Variants in SNURF observed in about 807,000 individuals in gnomAD.
SNURF encodes SNURF protein.
Under a neutral mutation model 11.6 loss-of-function variants are expected in SNURF, and 6 were observed. That is an observed-to-expected ratio of 0.52 (90% CI 0.28 to 1.02). The LOEUF is 1.02. SNURF is among the 50% of genes least tolerant of loss of function. SNURF has a pLI of 0.09. For synonymous variants in SNURF, 29 were observed against 31.6 expected (o/e 0.92, Z 0.27); for missense variants, 84 against 88.4 (o/e 0.95, Z 0.20).
At chr15:24,956,788 G>A (rs1188034653) in intron 1 of SNURF, among the ~76,000 whole-genome samples, 2 of 152,170 alleles carry the variant, frequency 1.3e-5, no homozygotes, top group Non-Finnish European at 2.9e-5. Flanking sequence ...TAGAGGACTG[G>A]AGGGGAATGT....
intron 6 of SNURF, chr15:24,977,659 A>G: frequency 1.0e-6 from 1 of 974,522 alleles, no homozygotes; most frequent in Admixed American, 3.1e-5. Flanking sequence ...GGGAATAATG[A>G]GAGAAGTACA....
chr15:24,971,261 A>G (rs532202803), downstream of SNURF, among the ~76,000 whole-genome samples: 67 of 152,304 alleles, frequency 4.4e-4, no homozygotes, highest in African/African-American at 1.5e-3. Context: ...CTGCTCATCC[A>G]TCCTTGCAGT....
chr15:24,970,784 C>T (rs78549628), downstream of SNURF, among the ~76,000 whole-genome samples: 3,067 of 152,248 alleles, frequency 0.02, 102 homozygotes, highest in African/African-American at 0.07. Context: ...ATTAGTTTCT[C>T]AGTACCACCC....
At chr15:24,978,154 A>G (rs376231131), downstream of SNURF, 6 of 1,597,090 alleles carry the variant, frequency 3.8e-6, no homozygotes, top group Non-Finnish European at 5.1e-6. Context: ...TTTCTAAGCC[A>G]TTTTATGAGG....
intron 1 of SNURF, among the ~76,000 whole-genome samples, chr15:24,956,048 C>T (rs1176980492): frequency 6.6e-6 from 1 of 152,052 alleles, no homozygotes; most frequent in Admixed American, 6.5e-5. Context: ...CTGCGCAATG[C>T]CTACACTGCC....
Position 24,962,260 on chromosome 15 carries a change from A to G in SNURF, c.110+51A>G, listed in dbSNP as rs766763350. 2.8e-6 allele frequency: 4 copies of G among 1,447,874 alleles called. No individual in the cohort carries two copies. The South Asian group carries it at 3.4e-5, about 12-fold the overall frequency. The allele number at this position is 1,447,874 out of a possible 1,614,324, so 89.7% of individuals were successfully genotyped here. ...AATGCAAGTCAGAATCTCCTTTCAG[A>G]TTAGAACAAAATATCATGCAATGAG... On this transcript the variant is annotated intron_variant, in intron 2 of 2. Coordinates refer to ENST00000577949, the Ensembl canonical transcript of SNURF.
intron 1 of SNURF, among the ~76,000 whole-genome samples, chr15:24,955,988 C>T (rs1337728529): frequency 1.3e-5 from 2 of 151,914 alleles, no homozygotes; most frequent in East Asian, 1.9e-4. Flanking sequence ...CTGTGACCTG[C>T]GATGGTCATC....
At chr15:24,969,249 C>T (rs575940623), downstream of SNURF, among the ~76,000 whole-genome samples, 1 of 152,244 alleles carries the variant, frequency 6.6e-6, no homozygotes, top group South Asian at 2.1e-4. Context: ...CTGCCTCAGC[C>T]TCCCAAGTAT....
At chr15:24,955,834 G>A (rs1424373958) in intron 1 of SNURF, among the ~76,000 whole-genome samples, 3 of 151,628 alleles carry the variant, frequency 2.0e-5, no homozygotes, top group African/African-American at 7.3e-5. Context: ...AGGCATGGCG[G>A]CGGTGGGCAT....
downstream of SNURF, among the ~76,000 whole-genome samples, chr15:24,971,616 C>T (rs2076418088): frequency 6.6e-6 from 1 of 152,046 alleles, no homozygotes; most frequent in Admixed American, 6.6e-5. Context: ...ACTCACATCC[C>T]TAGATGTGTT....
chr15:24,975,515 G>A, intron 4 of SNURF: 1 of 1,611,754 alleles, frequency 6.2e-7, no homozygotes. Flanking sequence ...ATCAAGTAAG[G>A]CTGATTTGGG....
intron 1 of SNURF, among the ~76,000 whole-genome samples, chr15:24,959,203 A>T (rs1260603161): frequency 1.3e-5 from 2 of 152,212 alleles, no homozygotes; most frequent in Non-Finnish European, 2.9e-5. Flanking sequence ...TGATGTCCTC[A>T]GTTTCATAAA....
At chr15:24,975,906 T>G (rs868743170) in intron 4 of SNURF, among the ~76,000 whole-genome samples, 1 of 152,182 alleles carries the variant, frequency 6.6e-6, no homozygotes, top group Non-Finnish European at 1.5e-5. Flanking sequence ...TGGTATCCTC[T>G]CTTTGCCTAT....
chr15:24,966,809 G>T (rs543488425), intron 2 of SNURF, among the ~76,000 whole-genome samples: 17 of 152,170 alleles, frequency 1.1e-4, no homozygotes, highest in Non-Finnish European at 1.9e-4. Context: ...ATCCTTACAT[G>T]CCAACAAGGG....
chr15:24,976,018 T>G (rs1402873744), intron 4 of SNURF, among the ~76,000 whole-genome samples: 28 of 152,252 alleles, frequency 1.8e-4, no homozygotes, highest in Admixed American at 1.8e-3. Flanking sequence ...AACCCAGGTT[T>G]CAATTTTGTT....
At chr15:24,968,256 CT>C (rs1479305782) in exon 3 of SNURF, 18 of 517,990 alleles carry the variant, frequency 3.5e-5, no homozygotes, top group South Asian at 4.4e-5. Flanking sequence ...TGCCCTGACA[CT>C]TTCGTCATGT....
At chr15:24,975,529 A>G (rs1238471646) in intron 4 of SNURF, 1 of 1,608,618 alleles carries the variant, frequency 6.2e-7, no homozygotes, top group Non-Finnish European at 8.5e-7. Flanking sequence ...ATTTGGGCAA[A>G]TGGGGGTTGG....
chr15:24,976,024 T>C (rs1457727159), intron 4 of SNURF, among the ~76,000 whole-genome samples: 1 of 152,232 alleles, frequency 6.6e-6, no homozygotes, highest in African/African-American at 2.4e-5. Flanking sequence ...GGTTTCAATT[T>C]TGTTTTTCTT....
intron 1 of SNURF, 129 bp downstream of exon 1, chr15:24,955,191 C>G: frequency 1.6e-6 from 2 of 1,262,652 alleles, no homozygotes; most frequent in Middle Eastern, 2.3e-4. Context: ...GTCCTTTGTT[C>G]TGGAGAACCA....
Sources: allele counts gnomAD v4.1 joint callset (sites outside exome capture counted in the v4.1 genomes callset), GRCh38; gene constraint gnomAD v4.1.1; transcripts MANE v1.5; gene names NCBI Gene and HGNC (gene_info 2026-07-23, HGNC 2026-07-21).